Variants in SSH2 observed in about 807,000 individuals in gnomAD.
SSH2 encodes protein phosphatase Slingshot homolog 2.
A neutral mutation model predicts 135.2 loss-of-function variants in SSH2; 37 were observed. The ratio of observed to expected loss-of-function variants is 0.27; its 90% CI spans 0.21 to 0.36. SSH2 has a LOEUF of 0.36. SSH2 is among the 10% of genes least tolerant of loss of function. The probability of loss-of-function intolerance (pLI) is 1.00; values close to 1 mark genes in which losing one functional copy is unlikely to be tolerated. For missense variants in SSH2, 1,408 were observed against 1,765.3 expected (o/e 0.80, Z 3.63); for synonymous variants, 628 against 646.2 (o/e 0.97, Z 0.43).
intron 2 of SSH2, among the ~76,000 whole-genome samples, chr17:29,841,340 A>AATT (rs1203400950): frequency 1.3e-5 from 2 of 152,220 alleles, no homozygotes; most frequent in African/African-American, 4.8e-5. Flanking sequence ...AGTGATCTTT[A>AATT]ATTATTTTTT....
intron 3 of SSH2, among the ~76,000 whole-genome samples, chr17:29,750,811 T>A (rs890211987): frequency 6.7e-6 from 1 of 150,054 alleles, no homozygotes; most frequent in Non-Finnish European, 1.5e-5. Context: ...GTCAAGAGAT[T>A]GAGACCATCC....
At chr17:29,871,362 G>A (rs2151421310) in intron 1 of SSH2, among the ~76,000 whole-genome samples, 1 of 152,224 alleles carries the variant, frequency 6.6e-6, no homozygotes, top group East Asian at 1.9e-4. Flanking sequence ...CAGAGAACTG[G>A]CAAATTTATG....
chr17:29,839,471 C>T (rs1568006456), intron 2 of SSH2, among the ~76,000 whole-genome samples: 1 of 152,226 alleles, frequency 6.6e-6, no homozygotes, highest in Non-Finnish European at 1.5e-5. Context: ...GCTAACTCTT[C>T]CTTCCCTGTA....
In SSH2 at chr17:29,636,479, C is replaced by T. The variant is rs1345045378; in HGVS notation, c.1751G>A (p.Gly584Glu). The change falls in exon 15 of 16, where the codon GGG becomes GAG. Residue 584 changes from glycine (G) to glutamate (E), a missense_variant. By Grantham distance (98) the Gly-to-Glu change is moderately conservative (BLOSUM62 -2). Around this residue, in one of 3 missense-constraint regions of SSH2, gnomAD observed 1,080 missense variants for 1,144.5 expected, o/e 0.94. Coordinates refer to ENST00000540801, the MANE Select transcript of SSH2 (RefSeq NM_001282129.2). ...AAATTTTGATTCATTCAGACAACAC[C>T]CTGATGAGCATCCATTGATGTCATT... ...NLNDINGCSS[G>E]CCLNESKFPL... The T allele has an allele frequency of 1.2e-6, 2 of 1,614,012 alleles. No homozygotes were observed. Among genetic ancestry groups the T allele is most frequent in the African/African-American group, 2.7e-5 (2 of 74,910 alleles).
intron 3 of SSH2, among the ~76,000 whole-genome samples, chr17:29,747,577 T>C (rs1187467937): frequency 6.6e-6 from 1 of 152,238 alleles, no homozygotes; most frequent in Non-Finnish European, 1.5e-5. Context: ...TTGATGTTCT[T>C]AGCATATTTC....
At chr17:29,914,000 A>G (rs1387130128) in intron 1 of SSH2, among the ~76,000 whole-genome samples, 1 of 152,134 alleles carries the variant, frequency 6.6e-6, no homozygotes, top group Non-Finnish European at 1.5e-5. Flanking sequence ...AAATCCCCCA[A>G]GCAAGAAAAT....
intron 1 of SSH2, among the ~76,000 whole-genome samples, chr17:29,910,472 C>A (rs957240939): frequency 3.9e-5 from 6 of 152,064 alleles, no homozygotes; most frequent in Non-Finnish European, 7.4e-5. Flanking sequence ...ACTGAATTCC[C>A]AAAATAACAA....
chr17:29,651,328 C>A (rs2036570007), intron 12 of SSH2, among the ~76,000 whole-genome samples: 1 of 152,194 alleles, frequency 6.6e-6, no homozygotes, highest in Non-Finnish European at 1.5e-5. Context: ...CTCTAAACTA[C>A]ATGAAAGGCA....
chr17:29,898,391 A>G (rs2066483543), intron 1 of SSH2, among the ~76,000 whole-genome samples: 2 of 152,132 alleles, frequency 1.3e-5, no homozygotes. Flanking sequence ...AGCAAGACTA[A>G]TAAAGAAGAA....
At chr17:29,636,885 A>G (rs2035937018) in intron 14 of SSH2, 83 bp from the exon 15 acceptor site, 1 of 976,238 alleles carries the variant, frequency 1.0e-6, no homozygotes, top group African/African-American at 1.6e-5. Flanking sequence ...TCCCAGATAA[A>G]TCTTAACTTG....
intron 1 of SSH2, among the ~76,000 whole-genome samples, chr17:29,898,715 G>T (rs2066490592): frequency 6.6e-6 from 1 of 152,082 alleles, no homozygotes; most frequent in Non-Finnish European, 1.5e-5. Context: ...GGAGGAGCTG[G>T]TACCATTCCT....
intron 1 of SSH2, among the ~76,000 whole-genome samples, chr17:29,917,672 G>A (rs1340395134): frequency 1.3e-5 from 2 of 152,072 alleles, no homozygotes; most frequent in Non-Finnish European, 2.9e-5. Context: ...GGCTAACATG[G>A]TGAAACCCCA....
Position 29,630,446 on chromosome 17 carries a change from A to G in SSH2, c.*395T>C, listed in dbSNP as rs1265010613. On this transcript the variant is annotated 3_prime_UTR_variant, in exon 16 of 16. Coordinates refer to ENST00000540801, the MANE Select transcript of SSH2 (RefSeq NM_001282129.2). The stretch of plus-strand genomic sequence containing the variant: ...ATCACAAAGGCAGGGGAACATCTCC[A>G]ATCCCCAGCTTTATCTCCACCCCTC... 1 of 156,710 alleles carries G rather than the reference A, an allele frequency of 6.4e-6. No individual in the cohort carries two copies. Among genetic ancestry groups the G allele is most frequent in the Non-Finnish European group, 1.4e-5 (1 of 71,130 alleles). The allele number at this position is 156,710 out of a possible 1,614,324, so 9.7% of individuals were successfully genotyped here. A position where few individuals can be genotyped will look rare whatever the true frequency, so the allele number is the denominator to read the frequency against.
At chr17:29,742,647 T>A (rs1567937874) in intron 3 of SSH2, among the ~76,000 whole-genome samples, 1 of 151,430 alleles carries the variant, frequency 6.6e-6, no homozygotes, top group Non-Finnish European at 1.5e-5. Flanking sequence ...TCATTTTTTG[T>A]TTTTTGAGAT....
In SSH2 at chr17:29,672,048, C is replaced by T; in HGVS notation, c.696G>A (p.Trp232Ter). Residue 232 changes from tryptophan (W) to a stop codon, truncating the protein, a stop_gained, in exon 9 of 16, where the codon TGG becomes TGA. Coordinates refer to ENST00000540801, the MANE Select transcript of SSH2 (RefSeq NM_001282129.2). LOFTEE classifies it high-confidence loss of function. The stretch of plus-strand genomic sequence containing the variant: ...TGATATGGCTCTCATAATAACTCAC[C>T]CAAGTGAGAAATAGGCTGCCTGGGT... ...NYYPGSLFLT[W>*]VSYYESHINS... 1 of 1,614,070 alleles carries T rather than the reference C, an allele frequency of 6.2e-7. No individual in the cohort carries two copies. Among genetic ancestry groups the T allele is most frequent in the Non-Finnish European group, 8.5e-7 (1 of 1,179,990 alleles).
At chr17:29,916,352 G>T (rs2066881178) in intron 1 of SSH2, among the ~76,000 whole-genome samples, 1 of 152,140 alleles carries the variant, frequency 6.6e-6, no homozygotes, top group Non-Finnish European at 1.5e-5. Flanking sequence ...GCATAGAGCA[G>T]TTAAGTGACT....
chr17:29,871,588 A>AT (rs1271073014), intron 1 of SSH2, among the ~76,000 whole-genome samples: 1 of 152,176 alleles, frequency 6.6e-6, no homozygotes, highest in Non-Finnish European at 1.5e-5. Context: ...GATTCATTTG[A>AT]TTTTTTAAAA....
chr17:29,821,880 G>A (rs1000085825), intron 2 of SSH2, among the ~76,000 whole-genome samples: 3 of 152,092 alleles, frequency 2.0e-5, no homozygotes, highest in African/African-American at 4.8e-5. Context: ...TCTTGCTCTC[G>A]TAGTCTGCCC....
At chr17:29,864,381 C>G (rs1268241354) in intron 1 of SSH2, 1 of 151,488 alleles carries the variant, frequency 6.6e-6, no homozygotes, top group East Asian at 1.9e-4. Context: ...AGTAAGGTTA[C>G]ACACTCCAAA....
Sources: gnomAD v4.1 joint callset for allele counts (sites outside exome capture counted in the v4.1 genomes callset) on GRCh38, gnomAD v4.1.1 for gene constraint, gnomAD v4.1.1 regional missense constraint, MANE v1.5 for transcripts, NCBI Gene and HGNC (gene_info 2026-07-23, HGNC 2026-07-21) for gene names.